The following NPC1 variants were observed in gnomAD, a reference collection of about 807,000 sequenced individuals.
NPC1 encodes the protein NPC intracellular cholesterol transporter 1.
NPC1 carries 85 observed loss-of-function variants against 140.4 expected under a neutral mutation model. The observed-to-expected ratio is 0.61, with a 90% CI of 0.51 to 0.72. The LOEUF is 0.72. Ranked by LOEUF, NPC1 falls within the 30% of genes least tolerant of loss-of-function variation. NPC1 has a pLI of 0.00. For missense variants in NPC1, 1,504 were observed against 1,623.8 expected (o/e 0.93, Z 1.27); for synonymous variants, 656 against 624.8 (o/e 1.05, Z -0.74).
chr18:23,532,445 CTT>C (rs1004924504), intron 24 of NPC1, among the ~76,000 whole-genome samples, 161 bp from the exon 25 acceptor site: 1 of 152,146 alleles, frequency 6.6e-6, no homozygotes, highest in African/African-American at 2.4e-5. Flanking sequence ...CTCTCCCTCT[CTT>C]TTGGAGATGG....
intron 9 of NPC1, among the ~76,000 whole-genome samples, chr18:23,554,239 T>TGTCCAG (rs2058916540): frequency 6.6e-6 from 1 of 152,154 alleles, no homozygotes; most frequent in African/African-American, 2.4e-5. Context: ...CTTATTTTTC[T>TGTCCAG]CCTCATAGCA....
downstream of NPC1, chr18:23,520,328 G>A: frequency 1.3e-6 from 2 of 1,593,742 alleles, no homozygotes; most frequent in Non-Finnish European, 8.6e-7. Flanking sequence ...CACGGGTTCT[G>A]TAGAGGAGTC....
chr18:23,527,629 G>T (rs2058344034), downstream of NPC1, among the ~76,000 whole-genome samples: 1 of 150,172 alleles, frequency 6.7e-6, no homozygotes, highest in Non-Finnish European at 1.5e-5. Context: ...ACCAGAAAGG[G>T]GTTGCGAATG....
chr18:23,566,633 C>T (rs578235030), intron 4 of NPC1, among the ~76,000 whole-genome samples: 6 of 152,186 alleles, frequency 3.9e-5, no homozygotes, highest in South Asian at 4.1e-4. Context: ...TCAGTTGAAG[C>T]TCCCCAATTA....
chr18:23,534,168 T>TG, intron 23 of NPC1: 1 of 551,138 alleles, frequency 1.8e-6, no homozygotes, highest in Non-Finnish European at 3.3e-6. Context: ...CGGGCTCCCC[T>TG]GCATTTTAAA....
intron 1 of NPC1, among the ~76,000 whole-genome samples, chr18:23,523,569 A>AAG (rs1386754000): frequency 7.0e-6 from 1 of 143,208 alleles, no homozygotes; most frequent in Non-Finnish European, 1.6e-5. Flanking sequence ...AAAAAAAAAA[A>AAG]GAAAAAAAGT....
At chr18:23,525,551 A>C (rs530791700), downstream of NPC1, among the ~76,000 whole-genome samples, 1 of 152,226 alleles carries the variant, frequency 6.6e-6, no homozygotes, top group East Asian at 1.9e-4. Flanking sequence ...CAGCCTCCCC[A>C]GTAGCTGGGA....
intron 3 of NPC1, chr18:23,516,251 T>C: frequency 6.5e-7 from 1 of 1,540,604 alleles, no homozygotes; most frequent in Middle Eastern, 1.7e-4. Context: ...TTGTTGGTTT[T>C]ACACAGGGAA....
At chr18:23,537,703 G>A (rs946539437) in intron 20 of NPC1, among the ~76,000 whole-genome samples, 2 of 152,184 alleles carry the variant, frequency 1.3e-5, no homozygotes, top group African/African-American at 4.8e-5. Context: ...AGGAACGGTG[G>A]CTACTGCCTT....
At chr18:23,548,815 G>A (rs1176319458) in intron 10 of NPC1, among the ~76,000 whole-genome samples, 2 of 152,158 alleles carry the variant, frequency 1.3e-5, no homozygotes, top group Non-Finnish European at 2.9e-5. Flanking sequence ...CAGGGGGACA[G>A]TGTCTTGTTC....
rs756393365 is a variant in NPC1 at position 23,551,778 on chromosome 18, C to G, written c.1554-51G>C. ...CCCAGTTAGAAGGGCCTCAAGACAT[C>G]AGGGACCTAAACATTTACACAGTGA... On this transcript the variant is annotated intron_variant, in intron 9 of 24. Coordinates refer to ENST00000269228, the MANE Select transcript of NPC1 (RefSeq NM_000271.5). 3.3e-6 allele frequency: 4 copies of G among 1,199,162 alleles called. No individual in the cohort carries two copies. The Admixed American group carries it at 5.0e-5, about 15-fold the overall frequency. The allele number at this position is 1,199,162 out of a possible 1,614,324, so 74.3% of individuals were successfully genotyped here. A position where few individuals can be genotyped will look rare whatever the true frequency, so the allele number is the denominator to read the frequency against.
chr18:23,556,809 C>G (rs752961249), intron 7 of NPC1, 196 bp from the exon 8 acceptor site: 51 of 828,414 alleles, frequency 6.2e-5, no homozygotes, highest in Non-Finnish European at 8.9e-5. Flanking sequence ...GAGCGCTATT[C>G]CCACCCCACA....
chr18:23,538,604 T>TCC lies in NPC1; in HGVS notation c.2977_2978dup (p.Asp994GlufsTer4). 6.2e-7 allele frequency: 1 copy of TCC among 1,613,850 alleles called. No homozygotes were observed. The highest frequency in any genetic ancestry group is 8.5e-7 in the Non-Finnish European group (1 of 1,179,934). Reference sequence around the variant, plus strand: ...ACATGGGCAGGAATCTCATGAAGTCTCCCCCCTGAGGCCTCTGTTTGCCTT... The same window carrying TCC: ...ACATGGGCAGGAATCTCATGAAGTCTCCCCCCCCTGAGGCCTCTGTTTGCCTT... On this transcript the variant is annotated frameshift_variant, in exon 20 of 25. Coordinates refer to ENST00000269228, the MANE Select transcript of NPC1 (RefSeq NM_000271.5). LOFTEE classifies it high-confidence loss of function.
downstream of NPC1, chr18:23,528,187 A>G (rs2058364735): frequency 3.9e-6 from 1 of 259,650 alleles, no homozygotes; most frequent in East Asian, 8.0e-5. Flanking sequence ...CTACTGTTAT[A>G]GATGAGAAAA....
At chr18:23,559,622 C>T (rs1229586509) in intron 6 of NPC1, among the ~76,000 whole-genome samples, 1 of 150,018 alleles carries the variant, frequency 6.7e-6, no homozygotes, top group Non-Finnish European at 1.5e-5. Flanking sequence ...CAGGTGTGAG[C>T]CACTGAGCCT....
At chr18:23,511,937 G>C (rs1284091322) in intron 3 of NPC1, among the ~76,000 whole-genome samples, 1 of 151,646 alleles carries the variant, frequency 6.6e-6, no homozygotes, top group African/African-American at 2.4e-5. Flanking sequence ...AGCAATATAG[G>C]AACTTCTGCT....
In NPC1 at chr18:23,531,752, T is replaced by C. The variant is rs770456820; in HGVS notation, c.*450A>G. Reference sequence around the variant, plus strand: ...TAAAAATGTGTACAAAGTTAATTTATTGCATTAATAAAGCTCTTTAAACTA... The same window carrying C: ...TAAAAATGTGTACAAAGTTAATTTACTGCATTAATAAAGCTCTTTAAACTA... On this transcript the variant is annotated 3_prime_UTR_variant, in exon 25 of 25. Transcript: ENST00000269228. 1.4e-5 allele frequency: 23 copies of C among 1,587,784 alleles called. No homozygotes were observed. In the Middle Eastern group the frequency reaches 1.2e-3, roughly 81 times the overall value.
downstream of NPC1, chr18:23,524,613 T>A: frequency 1.2e-6 from 1 of 838,394 alleles, no homozygotes; most frequent in African/African-American, 2.1e-5. Flanking sequence ...GGAATGGGAT[T>A]TTTTTTTTTC....
At chr18:23,563,247 A>G (rs1184593983) in intron 4 of NPC1, among the ~76,000 whole-genome samples, 4 of 152,356 alleles carry the variant, frequency 2.6e-5, no homozygotes, top group African/African-American at 9.6e-5. Context: ...TTGCAAGGAC[A>G]TATGTTTTGT....
Sources: gnomAD v4.1 joint callset for allele counts (sites outside exome capture counted in the v4.1 genomes callset) on GRCh38, gnomAD v4.1.1 for gene constraint, MANE v1.5 for transcripts, NCBI Gene and HGNC (gene_info 2026-07-23, HGNC 2026-07-21) for gene names.